The following CEP120 variants were observed in gnomAD, a reference collection of about 807,000 sequenced individuals.
The protein encoded by CEP120 is centrosomal protein of 120 kDa.
CEP120 carries 113 observed loss-of-function variants against 126.5 expected under a neutral mutation model. That is an observed-to-expected ratio of 0.89 (90% CI 0.77 to 1.04). The LOEUF (loss-of-function observed/expected upper bound fraction) is 1.04, where lower values mean the gene tolerates loss of function less well. CEP120 is among the 50% of genes least tolerant of loss of function. The pLI is 0.00. For synonymous variants in CEP120, 400 were observed against 394.3 expected, an observed-to-expected ratio of 1.01 and a Z score of -0.17; for missense variants, 1,230 against 1,155.7, an observed-to-expected ratio of 1.06 and a Z score of -0.93.
At chr5:123,367,066 C>A (rs1253656304) in intron 17 of CEP120, among the ~76,000 whole-genome samples, 1 of 151,806 alleles carries the variant, frequency 6.6e-6, no homozygotes, top group Non-Finnish European at 1.5e-5. Context: ...CTATCACATT[C>A]CTTGGTGTTT....
In CEP120 at chr5:123,365,368, T is replaced by C. The variant is rs111466555; in HGVS notation, c.2482-774A>G. Among the ~76,000 whole-genome samples, 372 of 151,884 alleles carry C rather than the reference T, an allele frequency of 2.4e-3. 2 individuals carry two copies. Among genetic ancestry groups the C allele is most frequent in the African/African-American group, 8.2e-3 (342 of 41,520 alleles). On this transcript the variant is annotated intron_variant, in intron 17 of 19. Coordinates refer to ENST00000306467, the MANE Select transcript of CEP120 (RefSeq NM_001375405.1). ...TGTTTCAAACCAAGTACCAAACAAATTCATGTAGCCAACAGACAGTTTTAC... is the reference window on the plus strand; with the variant it reads ...TGTTTCAAACCAAGTACCAAACAAACTCATGTAGCCAACAGACAGTTTTAC...
At chr5:123,348,589 A>G (rs1768990518) in intron 19 of CEP120, among the ~76,000 whole-genome samples, 1 of 152,246 alleles carries the variant, frequency 6.6e-6, no homozygotes, top group South Asian at 2.1e-4. Flanking sequence ...AAATATAGTT[A>G]TTTAATTCAG....
At chr5:123,365,146 A>C (rs1770366134) in intron 17 of CEP120, among the ~76,000 whole-genome samples, 1 of 151,780 alleles carries the variant, frequency 6.6e-6, no homozygotes, top group Admixed American at 6.6e-5. Flanking sequence ...AAAATATTTT[A>C]AGAATGTTAA....
chr5:123,368,913 A>AT (rs559594389), intron 17 of CEP120, among the ~76,000 whole-genome samples: 1 of 151,924 alleles, frequency 6.6e-6, no homozygotes, highest in African/African-American at 2.4e-5. Flanking sequence ...ACTCTTCTCA[A>AT]TTTTTTGTTT....
At chr5:123,382,256 G>A in intron 13 of CEP120, 56 bp from the exon 14 acceptor site, 2 of 994,456 alleles carry the variant, frequency 2.0e-6, no homozygotes, top group Non-Finnish European at 3.0e-6. Flanking sequence ...TCAAATAAAT[G>A]AATCAGTTGT....
intron 8 of CEP120, among the ~76,000 whole-genome samples, chr5:123,389,701 C>A (rs1283595734): frequency 6.6e-6 from 1 of 152,058 alleles, no homozygotes; most frequent in Non-Finnish European, 1.5e-5. Context: ...GATTTCTCTA[C>A]CTTGGTCAGG....
chr5:123,374,971 AT>A (rs1397724096), intron 16 of CEP120, among the ~76,000 whole-genome samples: 1 of 152,098 alleles, frequency 6.6e-6, no homozygotes, highest in Admixed American at 6.6e-5. Flanking sequence ...GCTATAATCT[AT>A]TTGAGTACAG....
intron 4 of CEP120, among the ~76,000 whole-genome samples, chr5:123,402,611 C>T (rs564655656): frequency 1.3e-5 from 2 of 152,252 alleles, no homozygotes; most frequent in African/African-American, 4.8e-5. Flanking sequence ...AGGGGTTTCA[C>T]CATGTTGGCC....
intron 16 of CEP120, among the ~76,000 whole-genome samples, 192 bp from the exon 17 acceptor site, chr5:123,372,964 C>A (rs1770954175): frequency 6.6e-6 from 1 of 151,958 alleles, no homozygotes; most frequent in Non-Finnish European, 1.5e-5. Context: ...ACTGATTCTA[C>A]AAAAACTTTT....
chr5:123,359,742 C>T (rs2126991004), intron 18 of CEP120, among the ~76,000 whole-genome samples: 1 of 151,958 alleles, frequency 6.6e-6, no homozygotes, highest in South Asian at 2.1e-4. Flanking sequence ...AAAAGCTTAC[C>T]ACTGGTACGG....
At chr5:123,385,398 A>G (rs1401997231) in intron 10 of CEP120, among the ~76,000 whole-genome samples, 1 of 152,150 alleles carries the variant, frequency 6.6e-6, no homozygotes, top group Non-Finnish European at 1.5e-5. Context: ...TAGATACACA[A>G]ATACTTACCT....
At chr5:123,354,937 C>A (rs1271638074) in intron 18 of CEP120, among the ~76,000 whole-genome samples, 4 of 150,398 alleles carry the variant, frequency 2.7e-5, no homozygotes, top group Non-Finnish European at 5.9e-5. Context: ...CCTCCCCACT[C>A]CCCCCACCCC....
Position 123,393,439 on chromosome 5 carries a change from G to A in CEP120, c.671C>T (p.Ser224Phe), listed in dbSNP as rs767371755. ...ERQPEFFFYYSLLGNDVTNEP... is the reference protein window; with the variant it reads ...ERQPEFFFYYFLLGNDVTNEP... ...ATTTGTAACATCATTTCCCAGTAAA[G>A]AGTAGTAAAAGAAAAACTCAGGCTG... Residue 224 changes from serine to phenylalanine, a missense_variant, in exon 6 of 20, where the codon TCT becomes TTT. Ser to Phe is a radical substitution (Grantham distance 155). Transcript: ENST00000306467. 2 of 1,614,024 alleles carry A rather than the reference G, an allele frequency of 1.2e-6. No individual in the cohort carries two copies. The highest frequency in any genetic ancestry group is 1.7e-6 in the Non-Finnish European group (2 of 1,179,954).
chr5:123,368,574 T>G (rs1025556450), intron 17 of CEP120, among the ~76,000 whole-genome samples: 1 of 151,938 alleles, frequency 6.6e-6, no homozygotes, highest in African/African-American at 2.4e-5. Flanking sequence ...CCAAGATAGC[T>G]TGGCAGTTAA....
chr5:123,389,861 T>G (rs1427424331), intron 8 of CEP120, 63 bp downstream of exon 8: 8 of 1,439,896 alleles, frequency 5.6e-6, no homozygotes, highest in South Asian at 1.2e-5. Context: ...TCATAGTCAT[T>G]TTTTAGATGG....
rs548467276 is a variant in CEP120 at position 123,347,194 on chromosome 5, G to T, written c.2727-441C>A. Reference sequence around the variant, plus strand: ...GTATACTACTTTTCTCATTTATATAGAGATTTTTTAATATCATTAAATGTT... The same window carrying T: ...GTATACTACTTTTCTCATTTATATATAGATTTTTTAATATCATTAAATGTT... On this transcript the variant is annotated intron_variant, in intron 19 of 19. Transcript: ENST00000306467. 1.4e-3 allele frequency among the ~76,000 whole-genome samples: 215 copies of T among 152,022 alleles called. 1 individual carries two copies. Among genetic ancestry groups the T allele is most frequent in the African/African-American group, 5.1e-3 (210 of 41,460 alleles).
intron 18 of CEP120, among the ~76,000 whole-genome samples, chr5:123,352,787 C>G (rs192617532): frequency 6.6e-6 from 1 of 152,062 alleles, no homozygotes; most frequent in African/African-American, 2.4e-5. Flanking sequence ...CTTTAAAATA[C>G]TGATTTTTCA....
At chr5:123,422,882 T>G (rs1241391110) in intron 1 of CEP120, 68 bp downstream of exon 1, 41 of 1,422,594 alleles carry the variant, frequency 2.9e-5, no homozygotes, top group Non-Finnish European at 3.9e-5. Context: ...TAACAAGGCC[T>G]CGGTCCCACA....
At position 123,385,182 on chromosome 5, in the gene CEP120, G is replaced by A. The variant is rs181872964; in HGVS notation, c.1581-49C>T. On this transcript the variant is annotated intron_variant, in intron 10 of 19. Transcript: ENST00000306467. ...TCATACCTATCAACTCTGACCTAAA[G>A]TCTTTTCTGAACTAAATTCTTTGAA... 3.9e-3 allele frequency: 5,604 copies of A among 1,424,454 alleles called. 18 individuals carry two copies. The highest frequency in any genetic ancestry group is 5.0e-3 in the Non-Finnish European group (5,327 of 1,062,870). The allele number at this position is 1,424,454 out of a possible 1,614,324, so 88.2% of individuals were successfully genotyped here. A position where few individuals can be genotyped will look rare whatever the true frequency, so the allele number is the denominator to read the frequency against.
Sources: gnomAD v4.1 joint callset for allele counts (sites outside exome capture counted in the v4.1 genomes callset) on GRCh38, gnomAD v4.1.1 for gene constraint, MANE v1.5 for transcripts, NCBI Gene and HGNC (gene_info 2026-07-23, HGNC 2026-07-21) for gene names.